The following LOXL2 variants were observed in gnomAD, a reference collection of about 807,000 sequenced individuals.
The protein encoded by LOXL2 is lysyl oxidase like 2.
LOXL2 carries 70 observed loss-of-function variants against 93.0 expected under a neutral mutation model. The observed-to-expected ratio is 0.75, with a 90% CI of 0.62 to 0.92. LOXL2 has a LOEUF of 0.92. Ranked by LOEUF, LOXL2 falls within the 40% of genes least tolerant of loss-of-function variation. LOXL2 has a pLI of 0.00. For synonymous variants in LOXL2, 438 were observed against 413.2 expected, an observed-to-expected ratio of 1.06 and a Z score of -0.73; for missense variants, 973 against 1,054.9, an observed-to-expected ratio of 0.92 and a Z score of 1.08.
At chr8:23,302,727 CAAG>C (rs1271035921) in intron 11 of LOXL2, among the ~76,000 whole-genome samples, 4 of 152,164 alleles carry the variant, frequency 2.6e-5, no homozygotes, top group African/African-American at 4.8e-5. Flanking sequence ...GTGGGTCTAG[CAAG>C]AAGAACTGAC....
intron 5 of LOXL2, among the ~76,000 whole-genome samples, chr8:23,332,759 C>A: frequency 1.2e-5 from 1 of 81,350 alleles, no homozygotes; most frequent in Non-Finnish European, 2.4e-5. Flanking sequence ...CATACACACC[C>A]CCACTCATAC....
intron 3 of LOXL2, among the ~76,000 whole-genome samples, chr8:23,347,503 CA>C (rs1309922908): frequency 1.3e-5 from 2 of 150,650 alleles, no homozygotes; most frequent in Non-Finnish European, 1.5e-5. Flanking sequence ...ACTAAAAATA[CA>C]AAAAAAAATT....
At chr8:23,342,172 A>C (rs1178127367) in intron 3 of LOXL2, among the ~76,000 whole-genome samples, 1 of 152,106 alleles carries the variant, frequency 6.6e-6, no homozygotes, top group Non-Finnish European at 1.5e-5. Flanking sequence ...TACCACCTAG[A>C]CCTGAGTCCC....
At chr8:23,332,896 A>G (rs1803727068) in intron 5 of LOXL2, among the ~76,000 whole-genome samples, 1 of 138,840 alleles carries the variant, frequency 7.2e-6, no homozygotes, top group South Asian at 2.5e-4. Flanking sequence ...ACACACCCCC[A>G]TACACATACA....
chr8:23,377,784 T>C (rs938477984), intron 1 of LOXL2, among the ~76,000 whole-genome samples: 2 of 152,176 alleles, frequency 1.3e-5, no homozygotes, highest in African/African-American at 4.8e-5. Flanking sequence ...TTGTTTTCCA[T>C]TTGCTTGGTA....
At chr8:23,352,069 C>T (rs1390565637) in intron 3 of LOXL2, among the ~76,000 whole-genome samples, 1 of 152,148 alleles carries the variant, frequency 6.6e-6, no homozygotes, top group Non-Finnish European at 1.5e-5. Context: ...CCACCTTGGC[C>T]TCCCAAAGTA....
chr8:23,401,012 G>C (rs117316585), intron 1 of LOXL2, among the ~76,000 whole-genome samples: 3 of 152,282 alleles, frequency 2.0e-5, no homozygotes, highest in Non-Finnish European at 4.4e-5. Context: ...CCTGAGCCAA[G>C]AAGAACTCTT....
At chr8:23,356,051 C>T (rs908830703) in intron 3 of LOXL2, among the ~76,000 whole-genome samples, 1 of 152,216 alleles carries the variant, frequency 6.6e-6, no homozygotes, top group Non-Finnish European at 1.5e-5. Flanking sequence ...TTTCAACCTA[C>T]AGCAGTTTTT....
rs368751153 is a variant in LOXL2 at position 23,346,111 on chromosome 8, T to TA, written c.532-4909dup. On this transcript the variant is annotated intron_variant, in intron 3 of 13. Transcript: ENST00000389131. ...TAAAATAAAATAAAATAAAATAAAA[T>TA]AAAATTAAAATAAAATAAAATAAAA... 1.7e-3 allele frequency among the ~76,000 whole-genome samples: 75 copies of TA among 44,766 alleles called. 2 individuals carry two copies. Among genetic ancestry groups the TA allele is most frequent in the African/African-American group, 9.0e-3 (63 of 6,996 alleles). 29.4% of individuals were successfully genotyped at this position (44,766 alleles called of 152,430 possible). A position where few individuals can be genotyped will look rare whatever the true frequency, so the allele number is the denominator to read the frequency against.
At chr8:23,326,271 C>G (rs1262553366) in intron 6 of LOXL2, among the ~76,000 whole-genome samples, 1 of 152,190 alleles carries the variant, frequency 6.6e-6, no homozygotes, top group Non-Finnish European at 1.5e-5. Flanking sequence ...GTTCTGCAGG[C>G]CCCTGGAAAC....
At chr8:23,343,130 C>A (rs1803911722) in intron 3 of LOXL2, among the ~76,000 whole-genome samples, 1 of 152,192 alleles carries the variant, frequency 6.6e-6, no homozygotes, top group African/African-American at 2.4e-5. Context: ...GAGCAAGATG[C>A]TCTCGGCCAT....
At position 23,368,291 on chromosome 8, in the gene LOXL2, G is replaced by C. The variant is rs764745119; in HGVS notation, c.61C>G (p.Pro21Ala). Residue 21 changes from proline (P) to alanine (A), a missense_variant, in exon 2 of 14, where the codon CCC (proline) becomes GCC (alanine). By Grantham distance (27) the Pro-to-Ala change is conservative. Transcript: ENST00000389131. ...SCLAMLALLSPLSLAQYDSWP... is the reference protein window; with the variant it reads ...SCLAMLALLSALSLAQYDSWP... The stretch of plus-strand genomic sequence containing the variant: ...CTGTCATACTGTGCCAGGCTCAGGG[G>C]GGACAGGAGGGCCAGCATAGCCAGG... The C allele has an allele frequency of 6.2e-7, 1 of 1,613,482 alleles. No homozygotes were observed. The highest frequency in any genetic ancestry group is 8.5e-7 in the Non-Finnish European group (1 of 1,180,026).
chr8:23,324,699 G>A (rs1803549560), intron 6 of LOXL2, among the ~76,000 whole-genome samples: 1 of 152,178 alleles, frequency 6.6e-6, no homozygotes, highest in Non-Finnish European at 1.5e-5. Context: ...CACAAGGCGT[G>A]AGGCAGAATT....
intron 3 of LOXL2, among the ~76,000 whole-genome samples, 195 bp downstream of exon 3, chr8:23,359,895 G>A (rs1174846584): frequency 1.3e-5 from 2 of 152,112 alleles, no homozygotes; most frequent in African/African-American, 2.4e-5. Context: ...CCTTGTGCCT[G>A]GAATGCCCTT....
Position 23,360,229 on chromosome 8 carries a change from T to C in LOXL2, c.392A>G (p.Asn131Ser), listed in dbSNP as rs372909065. ...GGTGCATGCTGCAAGGGTCGCCTCG[T>C]TGCCAGTACAGTGGAGATTGTCTAA... ...IWLDNLHCTG[N>S]EATLAACTSN... Residue 131 changes from asparagine (N) to serine (S), a missense_variant, in exon 3 of 14, where the codon AAC becomes AGC. By Grantham distance (46) the Asn-to-Ser change is conservative. Coordinates refer to ENST00000389131, the MANE Select transcript of LOXL2 (RefSeq NM_002318.3). 224 of 1,613,648 alleles carry C rather than the reference T, an allele frequency of 1.4e-4. No individual in the cohort carries two copies. The highest frequency in any genetic ancestry group is 1.9e-4 in the Non-Finnish European group (222 of 1,179,778).
intron 12 of LOXL2, among the ~76,000 whole-genome samples, chr8:23,301,433 C>T (rs1803129562): frequency 6.6e-6 from 1 of 152,178 alleles, no homozygotes; most frequent in African/African-American, 2.4e-5. Context: ...ATCTCGGCAA[C>T]CCCTCTGACA....
At chr8:23,335,644 G>A (rs1296158135) in intron 4 of LOXL2, among the ~76,000 whole-genome samples, 2 of 152,082 alleles carry the variant, frequency 1.3e-5, no homozygotes, top group Non-Finnish European at 1.5e-5. Context: ...GCTTTTCAGG[G>A]CCCGTGTGCT....
chr8:23,305,763 A>G (rs1442971182), intron 10 of LOXL2, among the ~76,000 whole-genome samples: 1 of 152,094 alleles, frequency 6.6e-6, no homozygotes, highest in Non-Finnish European at 1.5e-5. Flanking sequence ...GATCTGGACA[A>G]AAGAAGACAC....
At chr8:23,385,582 A>C (rs1804747968) in intron 1 of LOXL2, among the ~76,000 whole-genome samples, 1 of 152,048 alleles carries the variant, frequency 6.6e-6, no homozygotes. Flanking sequence ...TTAAAAGTAA[A>C]ACAGAACTTA....
Sources: gnomAD v4.1 joint callset for allele counts (sites outside exome capture counted in the v4.1 genomes callset) on GRCh38, gnomAD v4.1.1 for gene constraint, MANE v1.5 for transcripts, NCBI Gene and HGNC (gene_info 2026-07-23, HGNC 2026-07-21) for gene names.